The following STK35 variants were observed in gnomAD, a reference collection of about 807,000 sequenced individuals.
STK35 encodes serine/threonine kinase 35, also known as serine/threonine-protein kinase 35.
STK35 carries 17 observed loss-of-function variants against 37.3 expected under a neutral mutation model. That is an observed-to-expected ratio of 0.46 (90% CI 0.31 to 0.68). The LOEUF is 0.68. Ranked by LOEUF, STK35 falls within the 30% of genes least tolerant of loss-of-function variation. The probability of loss-of-function intolerance (pLI) is 0.05; values close to 1 mark genes in which losing one functional copy is unlikely to be tolerated. For missense variants in STK35, 595 were observed against 746.7 expected, an observed-to-expected ratio of 0.80 and a Z score of 2.37; for synonymous variants, 385 against 319.1, an observed-to-expected ratio of 1.21 and a Z score of -2.20.
chr20:2,116,722 T>C lies in STK35; in HGVS notation c.949T>C (p.Phe317Leu). Residue 317 changes from phenylalanine to leucine, a missense_variant, in exon 3 of 4, where the codon TTC becomes CTC. Phe to Leu is a conservative substitution (Grantham distance 22). Coordinates refer to ENST00000381482, the MANE Select transcript of STK35 (RefSeq NM_080836.4). ...CTGCTATCTCTGGTTTGTCATGGAG[T>C]TCTGTGAAGGTGGAGACCTGAATCA... Reference protein sequence around the residue: ...EPCYLWFVMEFCEGGDLNQYV... With the variant: ...EPCYLWFVMELCEGGDLNQYV... The C allele has an allele frequency of 6.2e-7, 1 of 1,614,120 alleles. No homozygotes were observed. Among genetic ancestry groups the C allele is most frequent in the Non-Finnish European group, 8.5e-7 (1 of 1,180,026 alleles).
In STK35 at chr20:2,114,083, G is replaced by T. The variant is rs138861188; in HGVS notation, c.893-2583G>T. 7.8e-4 allele frequency among the ~76,000 whole-genome samples: 118 copies of T among 152,130 alleles called. 1 individual carries two copies. Among genetic ancestry groups the T allele is most frequent in the African/African-American group, 2.8e-3 (115 of 41,504 alleles). On this transcript the variant is annotated intron_variant, in intron 2 of 3. Coordinates refer to ENST00000381482, the MANE Select transcript of STK35 (RefSeq NM_080836.4). The stretch of plus-strand genomic sequence containing the variant: ...CCGAGTGCCTGGCATCATCCACGTC[G>T]CCTCCTTCCATCTGGTCGTGAGGTA...
intron 3 of STK35, among the ~76,000 whole-genome samples, chr20:2,143,217 C>T (rs903056782): frequency 6.6e-6 from 1 of 152,196 alleles, no homozygotes; most frequent in African/African-American, 2.4e-5. Context: ...CCAGTCCAGC[C>T]CTGCCCCTGG....
intron 3 of STK35, among the ~76,000 whole-genome samples, chr20:2,135,791 A>G (rs1273357583): frequency 6.6e-6 from 1 of 152,210 alleles, no homozygotes; most frequent in Non-Finnish European, 1.5e-5. Context: ...TGGAGGTTGC[A>G]GTGAGCCGAG....
chr20:2,119,102 G>C (rs1481696418), intron 3 of STK35, among the ~76,000 whole-genome samples: 2 of 152,218 alleles, frequency 1.3e-5, no homozygotes, highest in Non-Finnish European at 2.9e-5. Flanking sequence ...ATTAGGGAGA[G>C]AAACTCCAAG....
chr20:2,112,370 G>A (rs548177302), intron 2 of STK35, among the ~76,000 whole-genome samples: 1 of 152,284 alleles, frequency 6.6e-6, no homozygotes, highest in Admixed American at 6.5e-5. Context: ...TTTACTTTAA[G>A]CATCTTCTCT....
rs79128015 is a variant in STK35 at position 2,141,072 on chromosome 20, G to A, written c.*38-2712G>A. The stretch of plus-strand genomic sequence containing the variant: ...ACATGTGGCTGTATAATTTCTCATC[G>A]TATTTCACAAGGTCTTAATGTCTCA... On this transcript the variant is annotated intron_variant, in intron 3 of 3. Transcript: ENST00000381482. Among the ~76,000 whole-genome samples, 1,288 of 152,232 alleles carry A rather than the reference G, an allele frequency of 8.5e-3. 19 individuals are homozygous for A. The highest frequency in any genetic ancestry group is 0.029 in the African/African-American group (1,189 of 41,520).
At chr20:2,140,002 TG>T (rs1318771310) in intron 3 of STK35, among the ~76,000 whole-genome samples, 1 of 152,136 alleles carries the variant, frequency 6.6e-6, no homozygotes, top group Non-Finnish European at 1.5e-5. Context: ...GCAGAGACTT[TG>T]GGTAGTAAAG....
chr20:2,117,099 TATC>T lies in STK35; in HGVS notation c.1330_1332del (p.Ile444del). 6.2e-7 allele frequency: 1 copy of T among 1,613,938 alleles called. No individual in the cohort carries two copies. Among genetic ancestry groups the T allele is most frequent in the Non-Finnish European group, 8.5e-7 (1 of 1,179,850 alleles). On this transcript the variant is annotated inframe_deletion, in exon 3 of 4. Transcript: ENST00000381482. This position sits in a 1 kb window ranked among gnomAD's most constrained non-coding sequence, Gnocchi z 4.4. Reference sequence around the variant, plus strand: ...AGGCGGACATCTTTGCCCTGGGCATTATCATCTGGGCAATGATAGAAAGAATCA... The same window carrying T: ...AGGCGGACATCTTTGCCCTGGGCATTATCTGGGCAATGATAGAAAGAATCA...
At chr20:2,129,634 A>AAGGT (rs1162614777) in intron 3 of STK35, among the ~76,000 whole-genome samples, 2 of 152,116 alleles carry the variant, frequency 1.3e-5, no homozygotes, top group Non-Finnish European at 2.9e-5. Context: ...CGTGGTCCTC[A>AAGGT]CCCTTGAGGC....
intron 3 of STK35, among the ~76,000 whole-genome samples, chr20:2,122,109 AGATT>A (rs1985828705): frequency 6.6e-6 from 1 of 152,214 alleles, no homozygotes; most frequent in Non-Finnish European, 1.5e-5. Flanking sequence ...AAGTAGGGGC[AGATT>A]GTTTGAGCTC....
intron 2 of STK35, among the ~76,000 whole-genome samples, chr20:2,109,058 G>C (rs991040581): frequency 6.6e-6 from 1 of 152,186 alleles, no homozygotes; most frequent in African/African-American, 2.4e-5. Flanking sequence ...CGACCACCTA[G>C]GTGTGCATGT....
At chr20:2,113,039 T>C (rs1211748278) in intron 2 of STK35, among the ~76,000 whole-genome samples, 2 of 152,210 alleles carry the variant, frequency 1.3e-5, no homozygotes, top group Non-Finnish European at 2.9e-5. Context: ...TGAAACTCCA[T>C]GGATCACCTG....
chr20:2,130,903 C>T (rs1307663734), intron 3 of STK35, among the ~76,000 whole-genome samples: 1 of 152,044 alleles, frequency 6.6e-6, no homozygotes, highest in Non-Finnish European at 1.5e-5. Flanking sequence ...CAATAGAGGG[C>T]GTGGGTAGAG....
chr20:2,116,004 G>A (rs1295198458), intron 2 of STK35, among the ~76,000 whole-genome samples: 1 of 152,050 alleles, frequency 6.6e-6, no homozygotes, highest in Non-Finnish European at 1.5e-5. Context: ...TGATGGCGAT[G>A]TACAGCTTTT....
chr20:2,128,055 C>G (rs151008238), intron 3 of STK35, among the ~76,000 whole-genome samples: 1 of 152,246 alleles, frequency 6.6e-6, no homozygotes, highest in Non-Finnish European at 1.5e-5. Flanking sequence ...CAGTGGTTCT[C>G]AGGATGTGGT....
At chr20:2,121,860 T>C (rs1985824492) in intron 3 of STK35, among the ~76,000 whole-genome samples, 1 of 152,140 alleles carries the variant, frequency 6.6e-6, no homozygotes, top group Admixed American at 6.5e-5. Flanking sequence ...GGTGGAGTAA[T>C]GGGGAAACCT....
At chr20:2,127,484 T>C (rs1040567185) in intron 3 of STK35, among the ~76,000 whole-genome samples, 1 of 152,190 alleles carries the variant, frequency 6.6e-6, no homozygotes, top group African/African-American at 2.4e-5. Context: ...TTGGATCTGA[T>C]GATGTTTGGA....
chr20:2,102,057 G>C lies in STK35; in HGVS notation c.176G>C (p.Arg59Pro), dbSNP rs770510417. ...AAEGSATRRARAATSRAARSR... is the reference protein window; with the variant it reads ...AAEGSATRRAPAATSRAARSR... The stretch of plus-strand genomic sequence containing the variant: ...GAAGGATCCGCTACACGCCGGGCTC[G>C]GGCCGCCACCTCCCGCGCTGCTCGG... Residue 59 changes from arginine to proline, a missense_variant, in exon 1 of 4, where the codon CGG becomes CCG. By Grantham distance (103) the Arg-to-Pro change is moderately radical. Around this residue, in one of 3 missense-constraint regions of STK35, gnomAD observed 389 missense variants for 320.0 expected, o/e 1.22. Transcript: ENST00000381482. The C allele has an allele frequency of 1.2e-5, 19 of 1,522,882 alleles. No homozygotes were observed. In the East Asian group the frequency reaches 1.5e-4, roughly 12 times the overall value. 94.3% of individuals were successfully genotyped at this position (1,522,882 alleles called of 1,614,324 possible). A position where few individuals can be genotyped will look rare whatever the true frequency, so the allele number is the denominator to read the frequency against.
intron 3 of STK35, among the ~76,000 whole-genome samples, chr20:2,127,396 CA>C (rs1315430286): frequency 6.6e-6 from 1 of 152,046 alleles, no homozygotes; most frequent in Non-Finnish European, 1.5e-5. Flanking sequence ...ATTACCAGCA[CA>C]GCCCGGCCTT....
Sources: allele counts gnomAD v4.1 joint callset (sites outside exome capture counted in the v4.1 genomes callset), GRCh38; gene constraint gnomAD v4.1.1; regional missense constraint gnomAD v4.1.1; non-coding constraint Gnocchi (gnomAD v3.1); transcripts MANE v1.5; gene names NCBI Gene and HGNC (gene_info 2026-07-23, HGNC 2026-07-21).